PNPLA1: variants seen among roughly 807,000 people sequenced by gnomAD.
PNPLA1 encodes patatin like domain 1, omega-hydroxyceramide transacylase, also known as omega-hydroxyceramide transacylase.
In PNPLA1, 36 loss-of-function variants were observed where a neutral mutation model predicts 51.7. The ratio of observed to expected loss-of-function variants is 0.70; its 90% CI spans 0.53 to 0.92. The LOEUF is 0.92. Ranked by LOEUF, PNPLA1 falls within the 40% of genes least tolerant of loss-of-function variation. PNPLA1 has a pLI of 0.00. For missense variants in PNPLA1, 658 were observed against 682.5 expected, an observed-to-expected ratio of 0.96 and a Z score of 0.40; for synonymous variants, 293 against 280.1, an observed-to-expected ratio of 1.05 and a Z score of -0.46.
At chr6:36,293,509 G>C (rs187814816) in intron 3 of PNPLA1, among the ~76,000 whole-genome samples, 2 of 152,344 alleles carry the variant, frequency 1.3e-5, no homozygotes, top group East Asian at 3.9e-4. Flanking sequence ...ATGTGCCCTT[G>C]AATCACTCGG....
At chr6:36,279,617 C>A (rs1770216085) in intron 1 of PNPLA1, among the ~76,000 whole-genome samples, 1 of 152,306 alleles carries the variant, frequency 6.6e-6, no homozygotes, top group East Asian at 1.9e-4. Flanking sequence ...CCAACTCTGC[C>A]CCCAAGTTCT....
At position 36,301,905 on chromosome 6, in the gene PNPLA1, C is replaced by A. The variant is rs780963967; in HGVS notation, c.820C>A (p.Arg274=). The A allele has an allele frequency of 1.2e-6, 2 of 1,614,030 alleles. No homozygotes were observed. Among genetic ancestry groups the A allele is most frequent in the Non-Finnish European group, 1.7e-6 (2 of 1,180,026 alleles). Residue 274 remains arginine (R), a synonymous_variant, in exon 6 of 9, where the codon CGG becomes AGG. Coordinates refer to ENST00000636260, the MANE Select transcript of PNPLA1 (RefSeq NM_001374623.1). ...NSSSKRVIFP[R]VEVYCQIELA... is the part of the protein sequence containing the mutation. Reference sequence around the variant, plus strand: ...TTCCTCCAAGAGAGTGATTTTCCCCCGGGTGGAAGTGTACTGCCAGATAGA... The same window carrying A: ...TTCCTCCAAGAGAGTGATTTTCCCCAGGGTGGAAGTGTACTGCCAGATAGA...
Position 36,294,515 on chromosome 6 carries a change from C to T in PNPLA1, c.714+116C>T. 1 of 948,206 alleles carries T rather than the reference C, an allele frequency of 1.1e-6. No individual in the cohort carries two copies. The highest frequency in any genetic ancestry group is 1.6e-6 in the Non-Finnish European group (1 of 625,484). 58.7% of individuals were successfully genotyped at this position (948,206 alleles called of 1,614,324 possible). Reference sequence around the variant, plus strand: ...CTGAGTCTCCTCCCCTCAAATGGTCCTTTAAACTTCCTCCTAGACCTGCAT... The same window carrying T: ...CTGAGTCTCCTCCCCTCAAATGGTCTTTTAAACTTCCTCCTAGACCTGCAT... On this transcript the variant is annotated intron_variant, in intron 4 of 8. Transcript: ENST00000636260. This position sits in a 1 kb window ranked among gnomAD's most constrained non-coding sequence, Gnocchi z 4.2.
At chr6:36,306,739 G>A (rs73406913) in intron 7 of PNPLA1, among the ~76,000 whole-genome samples, 2,599 of 152,182 alleles carry the variant, frequency 0.017, 78 homozygotes, top group African/African-American at 0.058. Context: ...CCCAGCCTTA[G>A]GTAGCTCCTG....
At chr6:36,291,596 GGA>G in intron 2 of PNPLA1, 44 bp downstream of exon 2, 1 of 1,187,418 alleles carries the variant, frequency 8.4e-7, no homozygotes. Flanking sequence ...AGGGGGCGGG[GGA>G]GGGCGGCTCC....
chr6:36,301,790 A>T, intron 5 of PNPLA1, 71 bp from the exon 6 acceptor site: 1 of 1,536,104 alleles, frequency 6.5e-7, no homozygotes, highest in Non-Finnish European at 8.8e-7. Flanking sequence ...AAAATAACTC[A>T]AGAAACCATT....
intron 2 of PNPLA1, among the ~76,000 whole-genome samples, chr6:36,292,258 G>A (rs1346863215): frequency 5.3e-5 from 8 of 152,008 alleles, no homozygotes; most frequent in African/African-American, 1.9e-4. Flanking sequence ...TGGGGATGAG[G>A]GATGAATAGG....
rs1246025508 is a variant in PNPLA1 at position 36,300,176 on chromosome 6, T to TGA, written c.776-1684_776-1683insAG. On this transcript the variant is annotated intron_variant, in intron 5 of 8. Transcript: ENST00000636260. Reference sequence around the variant, plus strand: ...TTTCTTATTCTTGTGTGTGTGTGTGTGTGAGAGAGAGAGAGAGAGAGAGAG... The same window carrying TGA: ...TTTCTTATTCTTGTGTGTGTGTGTGTGAGTGAGAGAGAGAGAGAGAGAGAGAG... 6.3e-3 allele frequency among the ~76,000 whole-genome samples: 451 copies of TGA among 72,058 alleles called. 2 individuals are homozygous for TGA. The highest frequency in any genetic ancestry group is 0.029 in the Middle Eastern group (6 of 204). 47.3% of individuals were successfully genotyped at this position (72,058 alleles called of 152,430 possible). A position where few individuals can be genotyped will look rare whatever the true frequency, so the allele number is the denominator to read the frequency against.
chr6:36,246,963 C>T lies in PNPLA1; in HGVS notation c.-81+3702C>T, dbSNP rs533163120. Among the ~76,000 whole-genome samples, 22 of 152,284 alleles carry T rather than the reference C, an allele frequency of 1.4e-4. No homozygotes were observed. In the East Asian group the frequency reaches 3.3e-3, roughly 23 times the overall value. ...CGCGCTCACTGCTGTCACTGCTTTC[C>T]GCACTCCCTGCGGATTTTAGGATTT... On this transcript the variant is annotated intron_variant, in intron 1 of 7. Coordinates refer to the PNPLA1 transcript ENST00000312917.
rs199824031 is a variant in PNPLA1 at position 36,307,683 on chromosome 6, G to A, written c.1566G>A (p.Ser522=). The A allele has an allele frequency of 4.3e-5, 69 of 1,613,780 alleles. No homozygotes were observed. Among genetic ancestry groups the A allele is most frequent in the South Asian group, 1.4e-4 (13 of 91,068 alleles). The change falls in exon 8 of 9, where the codon TCG becomes TCA. Residue 522 remains serine, a synonymous_variant. Transcript: ENST00000636260. ...CCAGAAAAGGCTTCCCAAGACATTC[G>A]GGATCCAAAAAACCAAGCAGCAAAG... is the stretch of plus-strand genomic sequence containing the variant. ...SGTRKGFPRH[S]GSKKPSSKVQ... is the part of the protein sequence containing the mutation.
intron 1 of PNPLA1, among the ~76,000 whole-genome samples, chr6:36,280,111 C>A (rs981603691): frequency 2.6e-5 from 4 of 152,202 alleles, no homozygotes; most frequent in Non-Finnish European, 5.9e-5. Context: ...GAGGCTGAAG[C>A]AGGAGAATTG....
At chr6:36,297,505 CACCCCAAAA>C (rs1770893769) in intron 5 of PNPLA1, among the ~76,000 whole-genome samples, 1 of 152,160 alleles carries the variant, frequency 6.6e-6, no homozygotes, top group Non-Finnish European at 1.5e-5. Flanking sequence ...CAGGAAACTA[CACCCCAAAA>C]GGTGTCACCC....
At chr6:36,263,604 C>G (rs963869662) in intron 1 of PNPLA1, among the ~76,000 whole-genome samples, 2 of 152,200 alleles carry the variant, frequency 1.3e-5, no homozygotes, top group Non-Finnish European at 2.9e-5. Flanking sequence ...AGAGAGCAAT[C>G]GAGCAACTCC....
chr6:36,287,519 C>T (rs1405228094), intron 1 of PNPLA1, among the ~76,000 whole-genome samples: 2 of 151,982 alleles, frequency 1.3e-5, no homozygotes, highest in Admixed American at 6.5e-5. Context: ...GCCTGCAGCT[C>T]GGAAGGAGGC....
At chr6:36,307,850 T>A in intron 8 of PNPLA1, 138 bp downstream of exon 8, 1 of 1,145,822 alleles carries the variant, frequency 8.7e-7, no homozygotes, top group Non-Finnish European at 1.2e-6. Flanking sequence ...AACAGACACA[T>A]CCGACATAAA....
At chr6:36,248,204 AAAT>A (rs1769341604) in intron 1 of PNPLA1, among the ~76,000 whole-genome samples, 1 of 152,202 alleles carries the variant, frequency 6.6e-6, no homozygotes, top group African/African-American at 2.4e-5. Context: ...TGATTTAAAA[AAAT>A]AATAATAAAA....
rs1446797256 is a variant in PNPLA1, at chr6:36,282,084, AGAAAGAAG to A, written c.206-9232_206-9225del. ...AAGAAAGAAAGAAAGAAAGAAAGAA[AGAAAGAAG>A]GAAGGAAGGAAGGAAGGAAGGAAGG... On this transcript the variant is annotated intron_variant, in intron 1 of 8. Transcript: ENST00000636260. Among the ~76,000 whole-genome samples the A allele has an allele frequency of 1.8e-3, 216 of 120,116 alleles. 1 individual carries two copies. Among genetic ancestry groups the A allele is most frequent in the Middle Eastern group, 4.2e-3 (1 of 238 alleles). 78.8% of individuals were successfully genotyped at this position (120,116 alleles called of 152,430 possible). A position where few individuals can be genotyped will look rare whatever the true frequency, so the allele number is the denominator to read the frequency against.
intron 1 of PNPLA1, among the ~76,000 whole-genome samples, chr6:36,254,307 G>T (rs1769483516): frequency 6.6e-6 from 1 of 152,138 alleles, no homozygotes; most frequent in East Asian, 1.9e-4. Flanking sequence ...AGGGTGGGTG[G>T]CTCACAACTG....
At chr6:36,300,975 C>G (rs534391792) in intron 5 of PNPLA1, among the ~76,000 whole-genome samples, 5 of 152,304 alleles carry the variant, frequency 3.3e-5, no homozygotes, top group Non-Finnish European at 5.9e-5. Flanking sequence ...TTCAATACTA[C>G]TTTATTGTGT....
Sources: gnomAD v4.1 joint callset for allele counts (sites outside exome capture counted in the v4.1 genomes callset) on GRCh38, gnomAD v4.1.1 for gene constraint, Gnocchi (gnomAD v3.1) non-coding constraint, MANE v1.5 for transcripts, NCBI Gene and HGNC (gene_info 2026-07-23, HGNC 2026-07-21) for gene names.